PLXDC2: variants seen among roughly 807,000 people sequenced by gnomAD.
PLXDC2 encodes plexin domain containing 2, also known as plexin domain-containing protein 2.
A neutral mutation model predicts 68.9 loss-of-function variants in PLXDC2; 40 were observed. The ratio of observed to expected loss-of-function variants is 0.58; its 90% CI spans 0.45 to 0.76. The LOEUF (loss-of-function observed/expected upper bound fraction) is 0.76, where lower values mean the gene tolerates loss of function less well. PLXDC2 is among the 30% of genes least tolerant of loss of function. The probability of loss-of-function intolerance (pLI) is 0.00; values close to 1 mark genes in which losing one functional copy is unlikely to be tolerated. For synonymous variants in PLXDC2, 243 were observed against 234.2 expected, an observed-to-expected ratio of 1.04 and a Z score of -0.34; for missense variants, 644 against 661.9, an observed-to-expected ratio of 0.97 and a Z score of 0.30.
chr10:20,218,689 T>A (rs1835171915), intron 11 of PLXDC2, among the ~76,000 whole-genome samples: 2 of 150,438 alleles, frequency 1.3e-5, no homozygotes, highest in Non-Finnish European at 3.0e-5. Flanking sequence ...TGAATTTGGA[T>A]TTTCCTTGAT....
chr10:20,038,060 C>A (rs1009770750), intron 2 of PLXDC2, among the ~76,000 whole-genome samples: 1 of 151,782 alleles, frequency 6.6e-6, no homozygotes, highest in African/African-American at 2.4e-5. Context: ...ATGGTGAAAC[C>A]CCATCTCTAC....
rs1834939925 is a variant in PLXDC2, at chr10:20,001,640, A to G, written c.113-135A>G. ...CGTACCAGCTCAAGATATTGCAAGT[A>G]AACAGATTTAACTGTTACAAGTTAG... On this transcript the variant is annotated intron_variant, in intron 1 of 13. Coordinates refer to ENST00000377252, the MANE Select transcript of PLXDC2 (RefSeq NM_032812.9). 1.4e-5 allele frequency: 10 copies of G among 732,366 alleles called. No individual in the cohort carries two copies. The South Asian group carries it at 1.5e-4, about 11-fold the overall frequency. The allele number at this position is 732,366 out of a possible 1,614,324, so 45.4% of individuals were successfully genotyped here. A position where few individuals can be genotyped will look rare whatever the true frequency, so the allele number is the denominator to read the frequency against.
intron 2 of PLXDC2, among the ~76,000 whole-genome samples, chr10:20,020,757 A>G (rs1445604342): frequency 6.6e-6 from 1 of 152,180 alleles, no homozygotes; most frequent in African/African-American, 2.4e-5. Context: ...ATATTATTCA[A>G]TAAACATTAA....
At chr10:19,817,250 C>A in intron 1 of PLXDC2, 59 bp downstream of exon 1, 2 of 1,346,192 alleles carry the variant, frequency 1.5e-6, no homozygotes, top group East Asian at 5.0e-5. Flanking sequence ...CTCTCTGGCA[C>A]TCTCGTGCTC....
intron 1 of PLXDC2, among the ~76,000 whole-genome samples, chr10:19,845,094 A>C (rs530504060): frequency 1.3e-5 from 2 of 152,148 alleles, no homozygotes; most frequent in African/African-American, 4.8e-5. Context: ...TGTGGTTTTC[A>C]TAGGGAGTTG....
intron 4 of PLXDC2, among the ~76,000 whole-genome samples, chr10:20,076,117 T>G (rs1211039438): frequency 5.3e-5 from 8 of 152,182 alleles, no homozygotes; most frequent in African/African-American, 1.7e-4. Flanking sequence ...CTCTGTGCAA[T>G]TAATAAAGTA....
At chr10:19,855,182 A>G (rs923563124) in intron 1 of PLXDC2, among the ~76,000 whole-genome samples, 4 of 152,132 alleles carry the variant, frequency 2.6e-5, no homozygotes, top group Middle Eastern at 3.2e-3. Flanking sequence ...AGTTTTTATG[A>G]GAGAACTGTA....
chr10:19,839,497 G>A (rs1245404727), intron 1 of PLXDC2, among the ~76,000 whole-genome samples: 2 of 152,154 alleles, frequency 1.3e-5, no homozygotes, highest in African/African-American at 4.8e-5. Flanking sequence ...GCTCACAGGG[G>A]CCTTAAAGAA....
intron 2 of PLXDC2, among the ~76,000 whole-genome samples, chr10:20,041,872 A>G (rs892566902): frequency 6.6e-6 from 1 of 152,132 alleles, no homozygotes; most frequent in Non-Finnish European, 1.5e-5. Flanking sequence ...AGGGAAGGAG[A>G]GAAAATGAAT....
chr10:20,039,526 T>C (rs1835641389), intron 2 of PLXDC2, among the ~76,000 whole-genome samples: 1 of 152,212 alleles, frequency 6.6e-6, no homozygotes, highest in African/African-American at 2.4e-5. Context: ...ATCTATAGTA[T>C]GTTAAAGGAT....
chr10:20,187,172 G>A (rs1454245488), intron 9 of PLXDC2, among the ~76,000 whole-genome samples: 1 of 151,772 alleles, frequency 6.6e-6, no homozygotes, highest in Admixed American at 6.6e-5. Flanking sequence ...TAGTGGCACA[G>A]CCAGCAATAA....
chr10:20,245,221 G>A, intron 12 of PLXDC2, 124 bp from the exon 13 acceptor site: 2 of 1,058,154 alleles, frequency 1.9e-6, no homozygotes, highest in East Asian at 2.7e-5. Flanking sequence ...TGATGTTGCA[G>A]AAAAGTTGTC....
At chr10:19,978,876 TAA>T (rs1477653332) in intron 1 of PLXDC2, among the ~76,000 whole-genome samples, 3 of 152,226 alleles carry the variant, frequency 2.0e-5, no homozygotes, top group African/African-American at 7.2e-5. Context: ...GATTACAAGA[TAA>T]GAGTAAGTTC....
At chr10:19,994,015 T>G (rs972331923) in intron 1 of PLXDC2, among the ~76,000 whole-genome samples, 7 of 152,176 alleles carry the variant, frequency 4.6e-5, no homozygotes, top group African/African-American at 1.7e-4. Flanking sequence ...TAGTTTTAAC[T>G]TAAAATTGTT....
chr10:19,963,233 A>T (rs542804910), intron 1 of PLXDC2, among the ~76,000 whole-genome samples: 4 of 152,294 alleles, frequency 2.6e-5, no homozygotes, highest in African/African-American at 9.6e-5. Context: ...TTCCTACTAG[A>T]GTATGAACAC....
chr10:19,817,869 C>G (rs1417183165), intron 1 of PLXDC2, among the ~76,000 whole-genome samples: 1 of 152,196 alleles, frequency 6.6e-6, no homozygotes, highest in Non-Finnish European at 1.5e-5. Context: ...GCAGAGAGTT[C>G]CTTGGAGTGC....
At position 20,284,330 on chromosome 10, in the gene PLXDC2, T is replaced by TATATATATATATATATATAC. The variant is rs1484131963; in HGVS notation, c.*4512_*4513insTATATATATATATATATACA. ...AAATATACATATATATATATATATATACACACACACACACACACACACAAA... is the reference window on the plus strand; with the variant it reads ...AAATATACATATATATATATATATATATATATATATATATATATACACACACACACACACACACACACAAA... On this transcript the variant is annotated 3_prime_UTR_variant, in exon 14 of 14. Transcript: ENST00000377252. 0.013 allele frequency: 1,660 copies of TATATATATATATATATATAC among 125,920 alleles called. 15 individuals carry two copies. The highest frequency in any genetic ancestry group is 0.016 in the Non-Finnish European group (940 of 59,404). 7.8% of individuals were successfully genotyped at this position (125,920 alleles called of 1,614,324 possible).
intron 9 of PLXDC2, among the ~76,000 whole-genome samples, chr10:20,199,641 C>G (rs1834890248): frequency 6.6e-6 from 1 of 151,948 alleles, no homozygotes; most frequent in Non-Finnish European, 1.5e-5. Context: ...AGGCACTTGA[C>G]TAACACCTGA....
At chr10:20,227,996 G>A (rs148747522) in intron 12 of PLXDC2, among the ~76,000 whole-genome samples, 59 of 152,276 alleles carry the variant, frequency 3.9e-4, no homozygotes, top group Non-Finnish European at 6.5e-4. Flanking sequence ...GGAAAGTGAC[G>A]AAGGTGGTTC....
Sources: allele counts gnomAD v4.1 joint callset (sites outside exome capture counted in the v4.1 genomes callset), GRCh38; gene constraint gnomAD v4.1.1; transcripts MANE v1.5; gene names NCBI Gene and HGNC (gene_info 2026-07-23, HGNC 2026-07-21).